TUT4: variants seen among roughly 807,000 people sequenced by gnomAD.
TUT4 encodes terminal uridylyltransferase 4.
TUT4 carries 36 observed loss-of-function variants against 192.2 expected under a neutral mutation model. That is an observed-to-expected ratio of 0.19 (90% CI 0.14 to 0.25). The LOEUF (loss-of-function observed/expected upper bound fraction) is 0.25. Among genes scored for constraint, TUT4 ranks in the 10% least tolerant of loss-of-function variants. The pLI is 1.00. For missense variants in TUT4, 1,493 were observed against 1,957.2 expected (o/e 0.76, Z 4.47); for synonymous variants, 618 against 666.0 (o/e 0.93, Z 1.11).
intron 16 of TUT4, chr1:52,463,246 TGGG>T: frequency 2.0e-6 from 2 of 987,676 alleles, no homozygotes; most frequent in African/African-American, 3.5e-5. Context: ...ACCTCTTTCC[TGGG>T]TATAAAAATC....
chr1:52,553,111 G>GA (rs1689920056), upstream of TUT4: 1 of 144,400 alleles, frequency 6.9e-6, no homozygotes, highest in South Asian at 2.5e-4. Flanking sequence ...GGGGGGAAGG[G>GA]ATGGGGAGGG....
chr1:52,519,234 A>T (rs1679551767), intron 2 of TUT4, among the ~76,000 whole-genome samples: 1 of 152,214 alleles, frequency 6.6e-6, no homozygotes, highest in Non-Finnish European at 1.5e-5. Flanking sequence ...ACATGAATTA[A>T]CTTTGAAAAA....
At chr1:52,518,753 A>G (rs1679377530) in intron 2 of TUT4, among the ~76,000 whole-genome samples, 1 of 152,232 alleles carries the variant, frequency 6.6e-6, no homozygotes, top group Non-Finnish European at 1.5e-5. Context: ...AAATATTTAG[A>G]ATAGGCAAAT....
At chr1:52,525,412 A>G in intron 2 of TUT4, 151 bp downstream of exon 2, 1 of 1,050,682 alleles carries the variant, frequency 9.5e-7, no homozygotes, top group South Asian at 1.9e-5. Context: ...AGAAACCATT[A>G]ATGCAAGTAT....
chr1:52,519,221 A>G (rs971336812), intron 2 of TUT4, among the ~76,000 whole-genome samples: 1 of 152,234 alleles, frequency 6.6e-6, no homozygotes, highest in African/African-American at 2.4e-5. Flanking sequence ...AATACATGCC[A>G]TAACATGAAT....
chr1:52,520,692 T>G (rs964346322), intron 2 of TUT4, among the ~76,000 whole-genome samples: 1 of 152,260 alleles, frequency 6.6e-6, no homozygotes, highest in East Asian at 1.9e-4. Context: ...ATTGACACTT[T>G]AACTCCACCA....
At chr1:52,529,190 A>T (rs991869525) in intron 1 of TUT4, among the ~76,000 whole-genome samples, 33 of 152,146 alleles carry the variant, frequency 2.2e-4, no homozygotes, top group Non-Finnish European at 4.4e-4. Flanking sequence ...ATATTTAAAA[A>T]TTTTTTAATT....
intron 15 of TUT4, among the ~76,000 whole-genome samples, chr1:52,467,560 GT>G: frequency 6.6e-6 from 1 of 152,056 alleles, no homozygotes; most frequent in Non-Finnish European, 1.5e-5. Flanking sequence ...CTTGCTTCCA[GT>G]CTTATAGCCC....
chr1:52,496,347 A>G lies in TUT4; in HGVS notation c.1177+659T>C, dbSNP rs562154332. On this transcript the variant is annotated intron_variant, in intron 5 of 29. Coordinates refer to ENST00000257177, the MANE Select transcript of TUT4 (RefSeq NM_001009881.3). The stretch of plus-strand genomic sequence containing the variant: ...TTCAATGTATTTTAGGTAGAAAGCC[A>G]TATTATGATATAAATACTTTAAAAA... Among the ~76,000 whole-genome samples, 7 of 152,306 alleles carry G rather than the reference A, an allele frequency of 4.6e-5. No homozygotes were observed. In the South Asian group the frequency reaches 6.2e-4, roughly 14 times the overall value.
intron 1 of TUT4, among the ~76,000 whole-genome samples, chr1:52,540,122 G>A (rs975908570): frequency 6.6e-6 from 1 of 151,726 alleles, no homozygotes; most frequent in Non-Finnish European, 1.5e-5. Flanking sequence ...GGGAGGCTGA[G>A]GCAGGAGAAT....
chr1:52,428,794 C>A (rs569228301), intron 28 of TUT4, among the ~76,000 whole-genome samples: 1 of 152,018 alleles, frequency 6.6e-6, no homozygotes, highest in East Asian at 1.9e-4. Flanking sequence ...TCTCAAAAAA[C>A]TATATACTTT....
At chr1:52,465,229 T>C in intron 15 of TUT4, 56 bp from the exon 16 acceptor site, 5 of 1,214,778 alleles carry the variant, frequency 4.1e-6, no homozygotes, top group Non-Finnish European at 4.8e-6. Flanking sequence ...GGAGGAGTCT[T>C]CTGCTATCTG....
chr1:52,507,313 C>T (rs1388363193), intron 4 of TUT4, among the ~76,000 whole-genome samples: 1 of 152,240 alleles, frequency 6.6e-6, no homozygotes, highest in African/African-American at 2.4e-5. Flanking sequence ...ACTTAGTGCA[C>T]TCTAAGGTCT....
chr1:52,496,726 A>G (rs1672542058), intron 5 of TUT4, among the ~76,000 whole-genome samples: 1 of 152,188 alleles, frequency 6.6e-6, no homozygotes, highest in Non-Finnish European at 1.5e-5. Context: ...TCCACTCAGA[A>G]ATCAGTGATA....
intron 5 of TUT4, 66 bp downstream of exon 5, chr1:52,496,940 C>T: frequency 6.9e-7 from 1 of 1,444,136 alleles, no homozygotes; most frequent in Non-Finnish European, 9.5e-7. Context: ...GAAATGTACT[C>T]TAGTTCAAGA....
At chr1:52,438,804 T>A (rs1006983539) in intron 24 of TUT4, among the ~76,000 whole-genome samples, 6 of 152,212 alleles carry the variant, frequency 3.9e-5, no homozygotes, top group Admixed American at 3.9e-4. Context: ...GTGCAGTGAC[T>A]CATGCCTGTA....
chr1:52,503,708 G>C (rs1046405826), intron 4 of TUT4, among the ~76,000 whole-genome samples: 2 of 152,128 alleles, frequency 1.3e-5, no homozygotes, highest in African/African-American at 4.8e-5. Flanking sequence ...CACCAAATCA[G>C]ACATCTTTTA....
At chr1:52,464,112 G>A (rs1663392277) in intron 16 of TUT4, among the ~76,000 whole-genome samples, 1 of 152,110 alleles carries the variant, frequency 6.6e-6, no homozygotes, top group African/African-American at 2.4e-5. Context: ...TAAAATGGGG[G>A]AAATAATACC....
At chr1:52,541,005 G>C (rs1686468783) in intron 1 of TUT4, among the ~76,000 whole-genome samples, 1 of 151,692 alleles carries the variant, frequency 6.6e-6, no homozygotes, top group African/African-American at 2.4e-5. Flanking sequence ...CAGGAGTTAG[G>C]GACCAGCCTG....
Sources: gnomAD v4.1 joint callset for allele counts (sites outside exome capture counted in the v4.1 genomes callset) on GRCh38, gnomAD v4.1.1 for gene constraint, MANE v1.5 for transcripts, NCBI Gene and HGNC (gene_info 2026-07-23, HGNC 2026-07-21) for gene names.